Variants in ADGRL2 observed in about 807,000 individuals in gnomAD.
ADGRL2 encodes the protein calcium-independent alpha-latrotoxin receptor 2.
Under a neutral mutation model 157.4 loss-of-function variants are expected in ADGRL2, and 44 were observed. The observed-to-expected ratio is 0.28, with a 90% confidence interval of 0.22 to 0.36. The LOEUF is 0.36. Ranked by LOEUF, ADGRL2 falls within the 10% of genes least tolerant of loss-of-function variation. The pLI is 1.00. For missense variants in ADGRL2, 1,510 were observed against 1,768.9 expected (o/e 0.85, Z 2.63); for synonymous variants, 585 against 624.7 (o/e 0.94, Z 0.95).
intron 2 of ADGRL2, among the ~76,000 whole-genome samples, chr1:81,449,057 T>C (rs2077657134): frequency 1.3e-5 from 2 of 152,246 alleles, no homozygotes; most frequent in Admixed American, 1.3e-4. Context: ...ATAGGAATTC[T>C]GATGGAATAA....
At chr1:81,493,226 A>C (rs1420602454) in intron 2 of ADGRL2, among the ~76,000 whole-genome samples, 2 of 152,206 alleles carry the variant, frequency 1.3e-5, no homozygotes, top group Non-Finnish European at 2.9e-5. Flanking sequence ...AGTAAAACTA[A>C]ATGCAATAGC....
At chr1:81,585,105 A>G (rs933345343) in intron 3 of ADGRL2, among the ~76,000 whole-genome samples, 1 of 152,162 alleles carries the variant, frequency 6.6e-6, no homozygotes, top group African/African-American at 2.4e-5. Context: ...AGCTAAAAGG[A>G]AAGAGCTGTT....
At chr1:81,467,390 AAGAC>A (rs1392920361) in intron 2 of ADGRL2, among the ~76,000 whole-genome samples, 6 of 152,224 alleles carry the variant, frequency 3.9e-5, no homozygotes, top group African/African-American at 1.4e-4. Flanking sequence ...CTCTTTAAAA[AAGAC>A]AGGGAGGAAA....
At chr1:81,705,630 T>C (rs2083708057) in intron 1 of ADGRL2, among the ~76,000 whole-genome samples, 2 of 151,596 alleles carry the variant, frequency 1.3e-5, no homozygotes, top group Non-Finnish European at 2.9e-5. Context: ...AGAAAAGAGG[T>C]GAAGGGCTGG....
chr1:81,621,316 C>T (rs1557513206), intron 3 of ADGRL2, among the ~76,000 whole-genome samples: 1 of 152,156 alleles, frequency 6.6e-6, no homozygotes, highest in Non-Finnish European at 1.5e-5. Context: ...AGTGTTACGA[C>T]CTCTCTCTGC....
intron 1 of ADGRL2, among the ~76,000 whole-genome samples, chr1:81,733,278 C>T (rs1469415727): frequency 1.3e-5 from 2 of 152,196 alleles, no homozygotes; most frequent in Non-Finnish European, 2.9e-5. Context: ...TTGTATGTGT[C>T]GTATTAGTTT....
At chr1:81,581,604 G>A (rs887988621) in intron 3 of ADGRL2, among the ~76,000 whole-genome samples, 5 of 152,038 alleles carry the variant, frequency 3.3e-5, no homozygotes, top group Admixed American at 3.3e-4. Flanking sequence ...GGATAACCAC[G>A]ACTTGATTAT....
chr1:81,921,486 C>T (rs2094977060), intron 3 of ADGRL2, among the ~76,000 whole-genome samples: 1 of 152,122 alleles, frequency 6.6e-6, no homozygotes, highest in African/African-American at 2.4e-5. Flanking sequence ...ATTTAATGTG[C>T]TTACTCTGTT....
At chr1:81,937,844 T>TC (rs2095332614) in intron 4 of ADGRL2, among the ~76,000 whole-genome samples, 1 of 151,802 alleles carries the variant, frequency 6.6e-6, no homozygotes, top group African/African-American at 2.4e-5. Flanking sequence ...GACAGATTTA[T>TC]ATGTTCAAAC....
intron 11 of ADGRL2, among the ~76,000 whole-genome samples, chr1:81,961,991 T>C (rs1655560965): frequency 6.6e-6 from 1 of 152,202 alleles, no homozygotes; most frequent in African/African-American, 2.4e-5. Flanking sequence ...CTGTATGCCT[T>C]CTTGCTCCAA....
At chr1:81,906,941 A>G (rs1463817452) in intron 2 of ADGRL2, 76 bp from the exon 3 acceptor site, 1 of 1,154,140 alleles carries the variant, frequency 8.7e-7, no homozygotes, top group Non-Finnish European at 1.3e-6. Flanking sequence ...GAATCATATT[A>G]CTTGAAAATG....
At chr1:81,683,079 G>A (rs914299895) in intron 3 of ADGRL2, among the ~76,000 whole-genome samples, 3 of 152,222 alleles carry the variant, frequency 2.0e-5, no homozygotes, top group Admixed American at 2.0e-4. Context: ...GTTGCACTAA[G>A]CTGAGATAGT....
rs1663391775 is a variant in ADGRL2 at position 81,357,348 on chromosome 1, C to T, written c.-302+50839C>T. ...ATATCCTACACCTGGATATATAACA[C>T]CAGCCTCCCCCAACCTGTAAGTTTT... On this transcript the variant is annotated intron_variant, in intron 1 of 24. Transcript: ENST00000370721. Among the ~76,000 whole-genome samples the T allele has an allele frequency of 2.6e-5, 4 of 152,266 alleles. No individual in the cohort carries two copies. The South Asian group carries it at 8.3e-4, about 32-fold the overall frequency.
intron 2 of ADGRL2, among the ~76,000 whole-genome samples, chr1:81,469,629 A>G (rs1206438767): frequency 6.6e-6 from 1 of 152,092 alleles, no homozygotes. Flanking sequence ...CCTTTTATCT[A>G]AAAAAACCAC....
intron 1 of ADGRL2, among the ~76,000 whole-genome samples, chr1:81,437,753 A>C: frequency 6.6e-6 from 1 of 152,212 alleles, no homozygotes; most frequent in East Asian, 1.9e-4. Context: ...TTTCATTTGC[A>C]TGTTTCTGAA....
rs147503538 is a variant in ADGRL2, at chr1:81,385,143, T to G, written c.-301-59893T>G. On this transcript the variant is annotated intron_variant, in intron 1 of 24. Coordinates refer to the ADGRL2 transcript ENST00000370721. ...ACACCTGGAGAGAATACTTAAATTTTATCAATACTATTTCCACATTGTCTT... is the reference window on the plus strand; with the variant it reads ...ACACCTGGAGAGAATACTTAAATTTGATCAATACTATTTCCACATTGTCTT... Among the ~76,000 whole-genome samples, 341 of 152,258 alleles carry G rather than the reference T, an allele frequency of 2.2e-3. 6 individuals are homozygous for G. The East Asian group carries it at 0.025, about 11-fold the overall frequency.
chr1:81,939,305 A>G (rs997702957), intron 4 of ADGRL2, among the ~76,000 whole-genome samples: 2 of 151,520 alleles, frequency 1.3e-5, no homozygotes, highest in Admixed American at 1.3e-4. Flanking sequence ...TCATTGCCAG[A>G]CTGTTAGGAA....
chr1:81,882,795 A>G (rs1377334346), intron 2 of ADGRL2, among the ~76,000 whole-genome samples: 1 of 152,148 alleles, frequency 6.6e-6, no homozygotes, highest in Non-Finnish European at 1.5e-5. Flanking sequence ...AGGCTATGCA[A>G]TCTCTTTTAA....
intron 1 of ADGRL2, among the ~76,000 whole-genome samples, chr1:81,803,268 G>A (rs1403443594): frequency 6.6e-6 from 1 of 152,092 alleles, no homozygotes; most frequent in Non-Finnish European, 1.5e-5. Flanking sequence ...GGGCGAGGGC[G>A]AGCCAAACCA....
Sources: allele counts gnomAD v4.1 joint callset (sites outside exome capture counted in the v4.1 genomes callset), GRCh38; gene constraint gnomAD v4.1.1; transcripts MANE v1.5; gene names NCBI Gene and HGNC (gene_info 2026-07-23, HGNC 2026-07-21).